Variants in CSGALNACT2 observed in about 807,000 individuals in gnomAD.
CSGALNACT2 encodes the protein chondroitin sulfate N-acetylgalactosaminyltransferase 2.
Under a neutral mutation model 55.3 loss-of-function variants are expected in CSGALNACT2, and 35 were observed. That is an observed-to-expected ratio of 0.63 (90% confidence interval 0.48 to 0.84). The LOEUF (loss-of-function observed/expected upper bound fraction) is 0.84, where lower values mean the gene tolerates loss of function less well. CSGALNACT2 is among the 40% of genes least tolerant of loss of function. CSGALNACT2 has a pLI of 0.00. For missense variants in CSGALNACT2, 544 were observed against 657.5 expected, an observed-to-expected ratio of 0.83 and a Z score of 1.89; for synonymous variants, 196 against 224.9, an observed-to-expected ratio of 0.87 and a Z score of 1.15.
At chr10:43,163,541 A>C (rs773026163) in intron 4 of CSGALNACT2, 2 of 985,308 alleles carry the variant, frequency 2.0e-6, no homozygotes, top group African/African-American at 1.7e-5. Context: ...TTTAGAATGC[A>C]TTATTAACAG....
intron 7 of CSGALNACT2, among the ~76,000 whole-genome samples, 181 bp downstream of exon 7, chr10:43,176,213 A>G (rs1298665834): frequency 6.6e-6 from 1 of 152,248 alleles, no homozygotes; most frequent in Non-Finnish European, 1.5e-5. Flanking sequence ...TGAATAGGAA[A>G]AAAATGGTCA....
At chr10:43,148,974 A>T (rs1250282672) in intron 1 of CSGALNACT2, among the ~76,000 whole-genome samples, 3 of 152,230 alleles carry the variant, frequency 2.0e-5, no homozygotes, top group Admixed American at 6.5e-5. Flanking sequence ...TCTTGGGGGA[A>T]GGCATACAGT....
chr10:43,162,070 C>A, intron 4 of CSGALNACT2: 2 of 492,596 alleles, frequency 4.1e-6, no homozygotes, highest in Admixed American at 2.0e-5. Context: ...ATTGTTACAA[C>A]CAAATTTGGG....
chr10:43,155,588 C>T lies in CSGALNACT2; in HGVS notation c.439C>T (p.Pro147Ser), dbSNP rs759334130. 1.9e-6 allele frequency: 3 copies of T among 1,614,166 alleles called. No homozygotes were observed. Among genetic ancestry groups the T allele is most frequent in the Non-Finnish European group, 1.7e-6 (2 of 1,180,028 alleles). ...AKLPSEYGVI[P>S]FESFTLMKVF... ...ACTACCCAGTGAGTATGGGGTCATT[C>T]CCTTTGAAAGTTTTACCTTAATGAA... Residue 147 changes from proline (P) to serine (S), a missense_variant, in exon 2 of 8, where the codon CCC becomes TCC. This residue lies in a region of CSGALNACT2 where 374 missense variants were observed against 401.3 expected (regional missense o/e 0.93). Transcript: ENST00000374466.
chr10:43,181,172 C>A (rs1564522674), intron 7 of CSGALNACT2, among the ~76,000 whole-genome samples: 1 of 152,184 alleles, frequency 6.6e-6, no homozygotes, highest in East Asian at 1.9e-4. Context: ...TCAGACTTAC[C>A]TCCCCTGAGC....
intron 1 of CSGALNACT2, among the ~76,000 whole-genome samples, chr10:43,150,945 T>G (rs1191819398): frequency 1.3e-5 from 2 of 152,222 alleles, no homozygotes; most frequent in African/African-American, 4.8e-5. Context: ...ATCTCTAGTT[T>G]ACTAATATTT....
chr10:43,182,730 A>AT (rs1461006000), intron 7 of CSGALNACT2, among the ~76,000 whole-genome samples: 4 of 151,404 alleles, frequency 2.6e-5, no homozygotes, highest in Non-Finnish European at 5.9e-5. Context: ...AAAAAAAAAA[A>AT]GCTGAGTATG....
chr10:43,140,528 A>T (rs1838599084), intron 1 of CSGALNACT2, among the ~76,000 whole-genome samples: 1 of 152,232 alleles, frequency 6.6e-6, no homozygotes, highest in African/African-American at 2.4e-5. Flanking sequence ...CTTCTGTCGG[A>T]CTGTCATTGT....
intron 6 of CSGALNACT2, among the ~76,000 whole-genome samples, chr10:43,167,972 C>T (rs145576278): frequency 1.8e-5 from 2 of 112,696 alleles, no homozygotes; most frequent in Admixed American, 8.4e-5. Flanking sequence ...TGTTTATGTA[C>T]AAAAAATTTA....
At chr10:43,163,730 T>C in intron 4 of CSGALNACT2, 136 bp from the exon 5 acceptor site, 2 of 1,356,538 alleles carry the variant, frequency 1.5e-6, no homozygotes, top group Non-Finnish European at 1.9e-6. Flanking sequence ...GCTGGGATTT[T>C]CTTTCCCTTT....
intron 6 of CSGALNACT2, among the ~76,000 whole-genome samples, chr10:43,171,532 T>C (rs187335703): frequency 6.6e-6 from 1 of 152,202 alleles, no homozygotes; most frequent in Non-Finnish European, 1.5e-5. Flanking sequence ...TTTGTATTTT[T>C]AGTAGAGATG....
At chr10:43,139,029 C>T (rs575999077) in intron 1 of CSGALNACT2, among the ~76,000 whole-genome samples, 1 of 152,250 alleles carries the variant, frequency 6.6e-6, no homozygotes, top group African/African-American at 2.4e-5. Flanking sequence ...AAAAATGACT[C>T]TACCCTTGAG....
At chr10:43,164,441 A>G (rs1247410942) in intron 5 of CSGALNACT2, among the ~76,000 whole-genome samples, 1 of 152,260 alleles carries the variant, frequency 6.6e-6, no homozygotes, top group African/African-American at 2.4e-5. Flanking sequence ...ACCCCCATGC[A>G]TGTGTGCACA....
At chr10:43,173,589 G>T (rs983914057) in intron 6 of CSGALNACT2, among the ~76,000 whole-genome samples, 1 of 152,194 alleles carries the variant, frequency 6.6e-6, no homozygotes, top group Non-Finnish European at 1.5e-5. Context: ...GAGAAACTAA[G>T]TTACAAAGTT....
In CSGALNACT2 at chr10:43,184,903, T is replaced by C. The variant is rs1344288884; in HGVS notation, c.*1361T>C. 1 of 152,168 alleles carries C rather than the reference T, an allele frequency of 6.6e-6. No individual in the cohort carries two copies. Among genetic ancestry groups the C allele is most frequent in the Non-Finnish European group, 1.5e-5 (1 of 68,018 alleles). 9.4% of individuals were successfully genotyped at this position (152,168 alleles called of 1,614,324 possible). Reference sequence around the variant, plus strand: ...TCAGTAAATCATATCATCTGAAATATTACAAATTTCAAATTTCTAGGTGCT... The same window carrying C: ...TCAGTAAATCATATCATCTGAAATACTACAAATTTCAAATTTCTAGGTGCT... On this transcript the variant is annotated 3_prime_UTR_variant, in exon 8 of 8. Transcript: ENST00000374466.
Position 43,166,992 on chromosome 10 carries a change from T to C in CSGALNACT2, c.1160-12T>C. 1 of 1,534,070 alleles carries C rather than the reference T, an allele frequency of 6.5e-7. No homozygotes were observed. The highest frequency in any genetic ancestry group is 9.0e-7 in the Non-Finnish European group (1 of 1,110,834). On this transcript the variant is annotated splice_polypyrimidine_tract_variant and intron_variant, in intron 5 of 7. Coordinates refer to ENST00000374466, the MANE Select transcript of CSGALNACT2 (RefSeq NM_018590.5). ...TTCTTTTTATGTTACAAACCTATAT[T>C]TTAATTTGTAGGTAAGAAGGTGTTT...
At chr10:43,177,064 T>TC (rs1416134080) in intron 7 of CSGALNACT2, among the ~76,000 whole-genome samples, 1 of 152,132 alleles carries the variant, frequency 6.6e-6, no homozygotes, top group East Asian at 1.9e-4. Flanking sequence ...GTTTTGGAAA[T>TC]CCCCCCACCT....
At chr10:43,150,631 C>G (rs965769327) in intron 1 of CSGALNACT2, among the ~76,000 whole-genome samples, 1 of 152,064 alleles carries the variant, frequency 6.6e-6, no homozygotes, top group East Asian at 1.9e-4. Context: ...TTTCATGTGG[C>G]CAGTTTAAAG....
At chr10:43,165,418 A>G (rs1839243520) in intron 5 of CSGALNACT2, among the ~76,000 whole-genome samples, 1 of 152,062 alleles carries the variant, frequency 6.6e-6, no homozygotes, top group Non-Finnish European at 1.5e-5. Context: ...TATGTTTATT[A>G]GCTTGATTTA....
Sources: gnomAD v4.1 joint callset for allele counts (sites outside exome capture counted in the v4.1 genomes callset) on GRCh38, gnomAD v4.1.1 for gene constraint, gnomAD v4.1.1 regional missense constraint, MANE v1.5 for transcripts, NCBI Gene and HGNC (gene_info 2026-07-23, HGNC 2026-07-21) for gene names.